Variants in SNX1 observed in about 807,000 individuals in gnomAD.
SNX1 encodes sorting nexin 1.
A neutral mutation model predicts 71.8 loss-of-function variants in SNX1; 36 were observed. The ratio of observed to expected loss-of-function variants is 0.50; its 90% CI spans 0.38 to 0.66. The LOEUF (loss-of-function observed/expected upper bound fraction) is 0.66. Ranked by LOEUF, SNX1 falls within the 30% of genes least tolerant of loss-of-function variation. SNX1 has a pLI of 0.00. For missense variants in SNX1, 612 were observed against 646.7 expected (o/e 0.95, Z 0.58); for synonymous variants, 254 against 240.7 (o/e 1.06, Z -0.51).
chr15:64,127,453 C>T (rs2081265380), intron 7 of SNX1, among the ~76,000 whole-genome samples: 1 of 152,132 alleles, frequency 6.6e-6, no homozygotes, highest in South Asian at 2.1e-4. Context: ...GTTTTTTCCC[C>T]ATCCTGAGTG....
intron 1 of SNX1, among the ~76,000 whole-genome samples, chr15:64,097,779 T>C (rs2080918817): frequency 1.3e-5 from 2 of 152,232 alleles, no homozygotes; most frequent in South Asian, 4.1e-4. Context: ...GGCATAATGC[T>C]TCTCTTCACA....
intron 1 of SNX1, among the ~76,000 whole-genome samples, chr15:64,110,278 T>G (rs1179563834): frequency 6.6e-6 from 1 of 152,230 alleles, no homozygotes; most frequent in Non-Finnish European, 1.5e-5. Context: ...CTCTTAGAAC[T>G]CAGCCATGTG....
chr15:64,134,581 C>G lies in SNX1; in HGVS notation c.1222-83C>G. 1 of 1,505,050 alleles carries G rather than the reference C, an allele frequency of 6.6e-7. No individual in the cohort carries two copies. Among genetic ancestry groups the G allele is most frequent in the South Asian group, 1.3e-5 (1 of 77,514 alleles). 93.2% of individuals were successfully genotyped at this position (1,505,050 alleles called of 1,614,324 possible). On this transcript the variant is annotated intron_variant, in intron 11 of 14. Coordinates refer to ENST00000559844, the MANE Select transcript of SNX1 (RefSeq NM_003099.5). This position sits in a 1 kb window ranked among gnomAD's most constrained non-coding sequence, Gnocchi z 4.1. Reference sequence around the variant, plus strand: ...CTTGCTCAGTCTGTCCCTGGTGCAGCTGCTGGGAGAGCCTGCCTCGAGGCA... The same window carrying G: ...CTTGCTCAGTCTGTCCCTGGTGCAGGTGCTGGGAGAGCCTGCCTCGAGGCA...
intron 11 of SNX1, 23 bp downstream of exon 11, chr15:64,131,915 C>T (rs765998523): frequency 1.2e-6 from 2 of 1,607,958 alleles, no homozygotes; most frequent in East Asian, 2.2e-5. Flanking sequence ...TTCCTTTTCT[C>T]CTCCTTCCCT....
chr15:64,142,486 G>T lies in SNX1; in HGVS notation c.*4868G>T, dbSNP rs917579293. On this transcript the variant is annotated 3_prime_UTR_variant, in exon 15 of 15. Transcript: ENST00000559844. The stretch of plus-strand genomic sequence containing the variant: ...AGAATGACTATCAGAGCCATGTTTG[G>T]AAGAAAATGGGGTCCAGAGCACAGG... 1 of 341,760 alleles carries T rather than the reference G, an allele frequency of 2.9e-6. No individual in the cohort carries two copies. The highest frequency in any genetic ancestry group is 5.8e-6 in the Non-Finnish European group (1 of 171,696). The allele number at this position is 341,760 out of a possible 1,614,324, so 21.2% of individuals were successfully genotyped here. A position where few individuals can be genotyped will look rare whatever the true frequency, so the allele number is the denominator to read the frequency against.
intron 4 of SNX1, among the ~76,000 whole-genome samples, chr15:64,119,499 G>GCAGGCAGATCACTTGAGGTCAGGAGTT (rs1567324760): frequency 6.6e-6 from 1 of 152,114 alleles, no homozygotes; most frequent in Non-Finnish European, 1.5e-5. Flanking sequence ...GGAGGCCAAG[G>GCAGGCAGATCACTTGAGGTCAGGAGTT]CAGGCAGATC....
intron 2 of SNX1, among the ~76,000 whole-genome samples, chr15:64,113,198 A>G (rs773851510): frequency 2.6e-5 from 4 of 152,226 alleles, no homozygotes; most frequent in Non-Finnish European, 4.4e-5. Context: ...TGATTTCACA[A>G]TCCACCAACA....
chr15:64,130,638 G>C (rs1040256886), intron 10 of SNX1, among the ~76,000 whole-genome samples: 6 of 152,328 alleles, frequency 3.9e-5, no homozygotes, highest in African/African-American at 1.4e-4. Flanking sequence ...ATACATGCTT[G>C]AGCTACATGG....
Position 64,140,418 on chromosome 15 carries a change from GCTTGCTC to G in SNX1, c.*2802_*2808del, listed in dbSNP as rs2081401454. ...TATAGCGGCCTCTTGTGTGTTTGTA[GCTTGCTC>G]CCATCATGTTTTGAGTACTTTCTTA... On this transcript the variant is annotated 3_prime_UTR_variant, in exon 15 of 15. Transcript: ENST00000559844. The G allele has an allele frequency of 6.6e-6, 1 of 152,126 alleles. No homozygotes were observed. Among genetic ancestry groups the G allele is most frequent in the Admixed American group, 6.6e-5 (1 of 15,264 alleles). 9.4% of individuals were successfully genotyped at this position (152,126 alleles called of 1,614,324 possible).
chr15:64,127,407 C>T (rs2081264966), intron 7 of SNX1, among the ~76,000 whole-genome samples, 155 bp downstream of exon 7: 1 of 152,156 alleles, frequency 6.6e-6, no homozygotes, highest in Admixed American at 6.5e-5. Flanking sequence ...TTTCCTGAGT[C>T]GCTTATTTTC....
At chr15:64,106,541 G>T (rs1304291754) in intron 1 of SNX1, among the ~76,000 whole-genome samples, 1 of 152,192 alleles carries the variant, frequency 6.6e-6, no homozygotes, top group Non-Finnish European at 1.5e-5. Flanking sequence ...TGCAACCAGT[G>T]AGTATGTTAG....
At chr15:64,115,524 A>G in intron 2 of SNX1, 1 of 404,208 alleles carries the variant, frequency 2.5e-6, no homozygotes. Context: ...CATCTTTGTC[A>G]CATGAATTTC....
chr15:64,130,468 G>A, intron 10 of SNX1, 147 bp downstream of exon 10: 1 of 666,888 alleles, frequency 1.5e-6, no homozygotes, highest in Non-Finnish European at 2.6e-6. Flanking sequence ...ATAAAAAAAA[G>A]GTATGCCCTG....
chr15:64,137,255 T>C (rs1288874175), intron 14 of SNX1, among the ~76,000 whole-genome samples: 1 of 152,138 alleles, frequency 6.6e-6, no homozygotes, highest in Non-Finnish European at 1.5e-5. Flanking sequence ...GCCTCATCGG[T>C]ATGTGAAACA....
chr15:64,120,741 C>T (rs936424568), intron 4 of SNX1, among the ~76,000 whole-genome samples: 4 of 151,850 alleles, frequency 2.6e-5, no homozygotes, highest in South Asian at 2.1e-4. Flanking sequence ...CTTGGGAGGC[C>T]GAGGTGGGAG....
intron 1 of SNX1, among the ~76,000 whole-genome samples, chr15:64,110,784 G>A (rs2081070534): frequency 6.6e-6 from 1 of 152,182 alleles, no homozygotes; most frequent in South Asian, 2.1e-4. Context: ...CCATTTGTGT[G>A]TGTCTGTCTC....
chr15:64,114,863 C>G (rs1186775616), intron 2 of SNX1, among the ~76,000 whole-genome samples: 1 of 152,068 alleles, frequency 6.6e-6, no homozygotes, highest in Non-Finnish European at 1.5e-5. Flanking sequence ...TGGAGGAGGC[C>G]AGGCACGGTG....
intron 12 of SNX1, 134 bp from the exon 13 acceptor site, chr15:64,136,196 C>G: frequency 1.4e-6 from 1 of 697,452 alleles, no homozygotes; most frequent in Non-Finnish European, 2.5e-6. Context: ...CTCTGTGACA[C>G]CTCATCTTAC....
At chr15:64,119,131 T>G (rs1481036950) in intron 4 of SNX1, among the ~76,000 whole-genome samples, 1 of 152,086 alleles carries the variant, frequency 6.6e-6, no homozygotes, top group Admixed American at 6.5e-5. Flanking sequence ...GGTTTTTTGT[T>G]TTTTAGAGAC....
Sources: gnomAD v4.1 joint callset for allele counts (sites outside exome capture counted in the v4.1 genomes callset) on GRCh38, gnomAD v4.1.1 for gene constraint, Gnocchi (gnomAD v3.1) non-coding constraint, MANE v1.5 for transcripts, NCBI Gene and HGNC (gene_info 2026-07-23, HGNC 2026-07-21) for gene names.